Variants in ASTN2 observed in about 807,000 individuals in gnomAD.
ASTN2 encodes the protein astrotactin-2.
A neutral mutation model predicts 139.8 loss-of-function variants in ASTN2; 54 were observed. The ratio of observed to expected loss-of-function variants is 0.39; its 90% CI spans 0.31 to 0.48. The LOEUF is 0.48. ASTN2 is among the 20% of genes least tolerant of loss of function. The probability of loss-of-function intolerance (pLI) is 0.95; values close to 1 mark genes in which losing one functional copy is unlikely to be tolerated. For synonymous variants in ASTN2, 756 were observed against 719.5 expected, an observed-to-expected ratio of 1.05 and a Z score of -0.81; for missense variants, 1,565 against 1,725.1, an observed-to-expected ratio of 0.91 and a Z score of 1.64.
chr9:117,329,727 T>G (rs1828640896), intron 1 of ASTN2, among the ~76,000 whole-genome samples: 1 of 152,164 alleles, frequency 6.6e-6, no homozygotes, highest in African/African-American at 2.4e-5. Flanking sequence ...CCATACTCAG[T>G]TGCTGCTGGG....
At chr9:116,929,194 T>G (rs1347343058) in intron 10 of ASTN2, among the ~76,000 whole-genome samples, 2 of 152,106 alleles carry the variant, frequency 1.3e-5, no homozygotes, top group Non-Finnish European at 2.9e-5. Context: ...TAATAGGACT[T>G]AGTACACAGA....
intron 1 of ASTN2, among the ~76,000 whole-genome samples, chr9:117,361,348 G>C (rs930590012): frequency 2.6e-5 from 4 of 152,064 alleles, no homozygotes; most frequent in African/African-American, 9.7e-5. Flanking sequence ...CCATGCATGG[G>C]GTCGTGTAGG....
chr9:117,064,551 A>C (rs1827873882), intron 5 of ASTN2, among the ~76,000 whole-genome samples: 1 of 152,196 alleles, frequency 6.6e-6, no homozygotes, highest in Non-Finnish European at 1.5e-5. Context: ...TAACGCAGAA[A>C]TAGAAAGTCA....
At chr9:117,322,302 G>C (rs1323427200) in intron 1 of ASTN2, among the ~76,000 whole-genome samples, 1 of 152,106 alleles carries the variant, frequency 6.6e-6, no homozygotes, top group Non-Finnish European at 1.5e-5. Flanking sequence ...TCAAATTCTA[G>C]TTCTTAACAC....
intron 1 of ASTN2, among the ~76,000 whole-genome samples, chr9:117,363,105 C>T (rs1258229516): frequency 6.6e-6 from 1 of 152,114 alleles, no homozygotes; most frequent in African/African-American, 2.4e-5. Context: ...ATTCCCTTAG[C>T]CCTGCCCACA....
chr9:116,672,945 G>T (rs1438937554), intron 16 of ASTN2, among the ~76,000 whole-genome samples: 1 of 152,292 alleles, frequency 6.6e-6, no homozygotes, highest in East Asian at 1.9e-4. Context: ...TAGGCAAAGT[G>T]CTAAATGTTT....
intron 4 of ASTN2, among the ~76,000 whole-genome samples, chr9:117,107,544 G>A (rs571337434): frequency 2.1e-4 from 32 of 152,120 alleles, no homozygotes; most frequent in South Asian, 8.3e-4. Flanking sequence ...TCATTCTGCC[G>A]TATCCTTTTT....
In ASTN2 at chr9:117,150,786, A is replaced by T. The variant is rs1282636887; in HGVS notation, c.1016-9308T>A. Among the ~76,000 whole-genome samples, 7 of 152,134 alleles carry T rather than the reference A, an allele frequency of 4.6e-5. No homozygotes were observed. In the South Asian group the frequency reaches 6.2e-4, roughly 14 times the overall value. ...CATATAGCTTACTGCAGCCTTGAAC[A>T]TCTGGCCTCAAGTGATCTTCCTGTC... On this transcript the variant is annotated intron_variant, in intron 3 of 22. Transcript: ENST00000313400.
intron 4 of ASTN2, among the ~76,000 whole-genome samples, chr9:117,134,285 T>C (rs1339794280): frequency 5.3e-5 from 4 of 76,046 alleles, no homozygotes; most frequent in African/African-American, 1.9e-4. Flanking sequence ...TATATATATA[T>C]ATATATATAT....
chr9:116,489,800 T>C (rs535686850), intron 19 of ASTN2, among the ~76,000 whole-genome samples: 141 of 152,336 alleles, frequency 9.3e-4, no homozygotes, highest in African/African-American at 3.2e-3. Context: ...TGATGGGTAC[T>C]GTTTCTTGGT....
At chr9:116,523,719 G>A (rs577099415) in intron 19 of ASTN2, among the ~76,000 whole-genome samples, 1 of 152,146 alleles carries the variant, frequency 6.6e-6, no homozygotes, top group East Asian at 1.9e-4. Context: ...GTTTGGCTTG[G>A]GTAAACATGG....
At chr9:116,936,501 C>T (rs1267780064) in intron 10 of ASTN2, among the ~76,000 whole-genome samples, 1 of 152,174 alleles carries the variant, frequency 6.6e-6, no homozygotes, top group Non-Finnish European at 1.5e-5. Context: ...GTCACTCGAT[C>T]AGCAAGTGCT....
At chr9:117,047,685 A>G (rs1364558654) in intron 5 of ASTN2, among the ~76,000 whole-genome samples, 1 of 152,064 alleles carries the variant, frequency 6.6e-6, no homozygotes, top group Non-Finnish European at 1.5e-5. Flanking sequence ...TATTTTGTTA[A>G]AGGTGGAAAT....
intron 10 of ASTN2, among the ~76,000 whole-genome samples, chr9:116,934,621 G>A (rs1373938882): frequency 6.6e-6 from 1 of 152,174 alleles, no homozygotes; most frequent in Non-Finnish European, 1.5e-5. Context: ...TCAGGGAGTG[G>A]AAGGTGGGAG....
intron 1 of ASTN2, among the ~76,000 whole-genome samples, chr9:117,303,870 GAC>G (rs969272517): frequency 2.0e-5 from 3 of 152,224 alleles, no homozygotes; most frequent in Non-Finnish European, 4.4e-5. Flanking sequence ...TGACGAAAGT[GAC>G]ACACTCAGAG....
intron 7 of ASTN2, among the ~76,000 whole-genome samples, chr9:116,997,346 A>C (rs1216954854): frequency 6.6e-6 from 1 of 152,204 alleles, no homozygotes; most frequent in African/African-American, 2.4e-5. Context: ...CAACACATTT[A>C]AACCAAATAT....
chr9:116,610,108 T>C (rs1855458537), intron 19 of ASTN2, among the ~76,000 whole-genome samples: 1 of 152,094 alleles, frequency 6.6e-6, no homozygotes. Flanking sequence ...AAATATCACA[T>C]TATTAAGCAG....
intron 19 of ASTN2, among the ~76,000 whole-genome samples, chr9:116,607,082 C>A (rs945011331): frequency 2.0e-5 from 3 of 152,212 alleles, no homozygotes; most frequent in Non-Finnish European, 4.4e-5. Context: ...TCCCAATCAT[C>A]TACAGCATCA....
chr9:116,607,435 T>G (rs1338300640), intron 19 of ASTN2, among the ~76,000 whole-genome samples: 2 of 152,118 alleles, frequency 1.3e-5, no homozygotes, highest in African/African-American at 4.8e-5. Context: ...AGCATGTATG[T>G]CACTGTCTTC....
Sources: gnomAD v4.1 joint callset for allele counts (sites outside exome capture counted in the v4.1 genomes callset) on GRCh38, gnomAD v4.1.1 for gene constraint, MANE v1.5 for transcripts, NCBI Gene and HGNC (gene_info 2026-07-23, HGNC 2026-07-21) for gene names.